The following PDE10A variants were observed in gnomAD, a reference collection of about 807,000 sequenced individuals.
PDE10A encodes the protein cAMP and cAMP-inhibited cGMP 3',5'-cyclic phosphodiesterase 10A.
PDE10A carries 39 observed loss-of-function variants against 97.7 expected under a neutral mutation model. That is an observed-to-expected ratio of 0.40 (90% CI 0.31 to 0.52). The LOEUF (loss-of-function observed/expected upper bound fraction) is 0.52. Ranked by LOEUF, PDE10A falls within the 20% of genes least tolerant of loss-of-function variation. The pLI is 0.56. For synonymous variants in PDE10A, 371 were observed against 376.8 expected (o/e 0.98, Z 0.18); for missense variants, 731 against 1,047.8 (o/e 0.70, Z 4.17).
rs1222693706 is a variant in PDE10A, at chr6:165,491,038, T to TA, written c.995-8696dup. Among the ~76,000 whole-genome samples, 6 of 151,970 alleles carry TA rather than the reference T, an allele frequency of 3.9e-5. No homozygotes were observed. The East Asian group carries it at 5.8e-4, about 15-fold the overall frequency. ...TGACTCATAAGGACTCACATAAACT[T>TA]AGAGTAAAGGGGTGGAAAAAGATAT... On this transcript the variant is annotated intron_variant, in intron 2 of 21. Transcript: ENST00000539869.
At chr6:165,758,322 G>A (rs1281536115) in intron 1 of PDE10A, among the ~76,000 whole-genome samples, 3 of 152,222 alleles carry the variant, frequency 2.0e-5, no homozygotes, top group South Asian at 4.1e-4. Flanking sequence ...TTAGCCAGGC[G>A]TTCTGGCGCA....
chr6:165,390,817 A>C (rs1785655937), intron 16 of PDE10A, among the ~76,000 whole-genome samples: 1 of 152,188 alleles, frequency 6.6e-6, no homozygotes, highest in Non-Finnish European at 1.5e-5. Flanking sequence ...TTCCCGCCAC[A>C]TAATTGGAAG....
intron 1 of PDE10A, among the ~76,000 whole-genome samples, chr6:165,745,404 T>C (rs567100119): frequency 9.0e-4 from 137 of 152,360 alleles, no homozygotes; most frequent in African/African-American, 3.1e-3. Flanking sequence ...TTTTACTTAA[T>C]AAGCCCTTAA....
At chr6:165,373,259 C>T (rs1784388388) in intron 18 of PDE10A, among the ~76,000 whole-genome samples, 3 of 151,734 alleles carry the variant, frequency 2.0e-5, no homozygotes, top group South Asian at 4.2e-4. Context: ...AGCTTCTGCA[C>T]AGCAAAAGAA....
At chr6:165,616,057 C>G (rs1186173914) in intron 1 of PDE10A, among the ~76,000 whole-genome samples, 1 of 152,164 alleles carries the variant, frequency 6.6e-6, no homozygotes, top group African/African-American at 2.4e-5. Context: ...GTACTGACTT[C>G]CCAGTAAGTT....
chr6:165,747,239 A>C (rs1792863495), intron 1 of PDE10A, among the ~76,000 whole-genome samples: 2 of 152,224 alleles, frequency 1.3e-5, no homozygotes, highest in Non-Finnish European at 2.9e-5. Context: ...TAATTAAATC[A>C]ATCTCAAAAA....
chr6:165,628,589 T>C (rs1200510052), intron 1 of PDE10A, among the ~76,000 whole-genome samples: 4 of 145,648 alleles, frequency 2.7e-5, no homozygotes, highest in Non-Finnish European at 5.9e-5. Context: ...AGTGATTCTC[T>C]TGCCTCAACC....
At chr6:165,334,967 C>T (rs114390532) in intron 21 of PDE10A, among the ~76,000 whole-genome samples, 261 of 152,240 alleles carry the variant, frequency 1.7e-3, no homozygotes, top group African/African-American at 2.7e-3. Flanking sequence ...GTCTGTTCTC[C>T]GTCCTCCCAC....
chr6:165,547,200 T>C (rs1366527657), intron 1 of PDE10A, among the ~76,000 whole-genome samples: 2 of 152,146 alleles, frequency 1.3e-5, no homozygotes, highest in Admixed American at 6.5e-5. Flanking sequence ...CAACCTTTCA[T>C]CTACATAACA....
At chr6:165,571,862 C>T (rs1416360151) in intron 1 of PDE10A, among the ~76,000 whole-genome samples, 1 of 152,342 alleles carries the variant, frequency 6.6e-6, no homozygotes, top group Non-Finnish European at 1.5e-5. Context: ...TGCTATGCTG[C>T]TGTCAAACAT....
intron 1 of PDE10A, among the ~76,000 whole-genome samples, chr6:165,747,373 G>A (rs997576610): frequency 4.6e-5 from 7 of 152,132 alleles, no homozygotes; most frequent in Admixed American, 2.6e-4. Context: ...ACACTGGTAT[G>A]GGGCACACTC....
At chr6:165,635,749 C>A (rs546843675) in intron 1 of PDE10A, among the ~76,000 whole-genome samples, 4 of 152,222 alleles carry the variant, frequency 2.6e-5, no homozygotes, top group Admixed American at 2.6e-4. Flanking sequence ...ACAGCGTGAA[C>A]TTTGGTTTTA....
At chr6:165,543,348 T>C in intron 2 of PDE10A, 92 bp downstream of exon 2, 1 of 1,013,922 alleles carries the variant, frequency 9.9e-7, no homozygotes. Context: ...TTGTCTACTT[T>C]ATATTTCACA....
At chr6:165,780,088 T>C (rs889734297) in intron 1 of PDE10A, among the ~76,000 whole-genome samples, 2 of 152,210 alleles carry the variant, frequency 1.3e-5, no homozygotes, top group African/African-American at 4.8e-5. Flanking sequence ...TTTACATTTG[T>C]ATCTTTAAGT....
intron 1 of PDE10A, among the ~76,000 whole-genome samples, chr6:165,670,631 T>G (rs9457110): frequency 0.34 from 51,532 of 152,058 alleles, 9,237 homozygotes; most frequent in Non-Finnish European, 0.4. Flanking sequence ...AAACAAATCA[T>G]GATATAATCA....
chr6:165,678,316 T>C (rs1184054398), intron 1 of PDE10A, among the ~76,000 whole-genome samples: 1 of 151,482 alleles, frequency 6.6e-6, no homozygotes, highest in African/African-American at 2.4e-5. Context: ...TGCATGTGTG[T>C]GCATATCTTT....
chr6:165,548,843 T>G (rs1316507685), intron 1 of PDE10A, among the ~76,000 whole-genome samples: 1 of 152,252 alleles, frequency 6.6e-6, no homozygotes, highest in African/African-American at 2.4e-5. Flanking sequence ...TGTTCCCCTT[T>G]GTTCACCAGT....
intron 5 of PDE10A, among the ~76,000 whole-genome samples, chr6:165,439,476 G>T (rs138773004): frequency 6.6e-6 from 1 of 152,140 alleles, no homozygotes; most frequent in Non-Finnish European, 1.5e-5. Context: ...ACCAAAGGCC[G>T]CTGCAGTTCT....
chr6:165,760,287 T>C (rs1793219033), intron 1 of PDE10A, among the ~76,000 whole-genome samples: 1 of 152,122 alleles, frequency 6.6e-6, no homozygotes, highest in Non-Finnish European at 1.5e-5. Flanking sequence ...GAATTGAAAG[T>C]GATTTGAAGC....
Sources: allele counts gnomAD v4.1 joint callset (sites outside exome capture counted in the v4.1 genomes callset), GRCh38; gene constraint gnomAD v4.1.1; transcripts MANE v1.5; gene names NCBI Gene and HGNC (gene_info 2026-07-23, HGNC 2026-07-21).